The following CCDC172 variants were observed in gnomAD, a reference collection of about 807,000 sequenced individuals.
The protein encoded by CCDC172 is coiled-coil domain-containing protein 172.
CCDC172 carries 30 observed loss-of-function variants against 38.0 expected under a neutral mutation model. That is an observed-to-expected ratio of 0.79 (90% CI 0.59 to 1.07). The LOEUF is 1.07. CCDC172 is among the 50% of genes least tolerant of loss of function. The pLI is 0.00. For missense variants in CCDC172, 297 were observed against 290.1 expected, an observed-to-expected ratio of 1.02 and a Z score of -0.17; for synonymous variants, 78 against 88.3, an observed-to-expected ratio of 0.88 and a Z score of 0.66.
intron 3 of CCDC172, among the ~76,000 whole-genome samples, chr10:116,334,916 T>C (rs1844710421): frequency 6.6e-6 from 1 of 152,096 alleles, no homozygotes; most frequent in South Asian, 2.1e-4. Context: ...ATTTTTTAAC[T>C]TAGTATTTTT....
intron 5 of CCDC172, among the ~76,000 whole-genome samples, chr10:116,344,459 G>A (rs181658858): frequency 1.3e-5 from 2 of 152,238 alleles, no homozygotes; most frequent in East Asian, 3.9e-4. Flanking sequence ...AAAAGGTACA[G>A]CAAAAATACA....
In CCDC172 at chr10:116,378,537, T is replaced by C. The variant is rs748880793; in HGVS notation, c.741+27T>C. On this transcript the variant is annotated intron_variant, in intron 8 of 8. Transcript: ENST00000333254. ...TAAGTTATCATTGATTGTTTAACTT[T>C]TGTTCAGCATTATTTTACCTACTGG... The C allele has an allele frequency of 3.8e-5, 60 of 1,559,112 alleles. No individual in the cohort carries two copies. The South Asian group carries it at 6.0e-4, about 16-fold the overall frequency.
chr10:116,373,402 T>C (rs1281416873), intron 7 of CCDC172, among the ~76,000 whole-genome samples: 1 of 152,176 alleles, frequency 6.6e-6, no homozygotes, highest in Admixed American at 6.5e-5. Context: ...TTATAGCATA[T>C]GTAAAAACAA....
intron 7 of CCDC172, among the ~76,000 whole-genome samples, chr10:116,369,135 T>C (rs905918911): frequency 5.3e-5 from 8 of 152,078 alleles, no homozygotes; most frequent in African/African-American, 1.9e-4. Context: ...CTTATGATTA[T>C]AAATTTGAAA....
intron 3 of CCDC172, among the ~76,000 whole-genome samples, chr10:116,340,416 A>G (rs1207160804): frequency 2.6e-5 from 4 of 151,910 alleles, no homozygotes; most frequent in African/African-American, 7.2e-5. Flanking sequence ...GCAGATTTCA[A>G]TGTGTGTATT....
At chr10:116,374,412 A>G (rs1174866708) in intron 7 of CCDC172, among the ~76,000 whole-genome samples, 1 of 152,180 alleles carries the variant, frequency 6.6e-6, no homozygotes, top group Non-Finnish European at 1.5e-5. Flanking sequence ...GTATATTGTC[A>G]TAATTGTTCT....
In CCDC172 at chr10:116,325,084, C is replaced by A. The variant is rs1265543010; in HGVS notation, c.73C>A (p.Arg25=). Residue 25 remains arginine (R), a synonymous_variant, in exon 2 of 9, where the codon CGA becomes AGA. Transcript: ENST00000333254. ...GGCGGAGGAGAGTCGCCGTTTGATG[C>A]GAGAAGGTCGGGGTATTTCTGTCCT... ...HQAEESRRLM[R]EVRSEITRCR... The A allele has an allele frequency of 1.2e-6, 2 of 1,613,684 alleles. No individual in the cohort carries two copies. Among genetic ancestry groups the A allele is most frequent in the Non-Finnish European group, 1.7e-6 (2 of 1,179,896 alleles).
At chr10:116,336,247 ATAG>A (rs1234475440) in intron 3 of CCDC172, among the ~76,000 whole-genome samples, 1 of 148,408 alleles carries the variant, frequency 6.7e-6, no homozygotes, top group Non-Finnish European at 1.5e-5. Context: ...ATTATATATA[ATAG>A]TATGTAGTAT....
chr10:116,353,780 T>C lies in CCDC172; in HGVS notation c.449-3600T>C, dbSNP rs556318733. Among the ~76,000 whole-genome samples the C allele has an allele frequency of 3.3e-5, 5 of 152,272 alleles. No individual in the cohort carries two copies. In the South Asian group the frequency reaches 1.0e-3, roughly 32 times the overall value. ...GTATTTTTTTAAGCAACATGAAAAG[T>C]TGCTTACATTATTAGTTATCAGGGA... On this transcript the variant is annotated intron_variant, in intron 5 of 8. Coordinates refer to ENST00000333254, the MANE Select transcript of CCDC172 (RefSeq NM_198515.3).
chr10:116,361,343 AT>A (rs1038488603), intron 7 of CCDC172, among the ~76,000 whole-genome samples: 8 of 151,934 alleles, frequency 5.3e-5, no homozygotes, highest in Non-Finnish European at 1.0e-4. Context: ...CTTGATCATG[AT>A]TTTTTTTATT....
At chr10:116,373,366 C>T (rs1387768270) in intron 7 of CCDC172, among the ~76,000 whole-genome samples, 2 of 151,420 alleles carry the variant, frequency 1.3e-5, no homozygotes, top group African/African-American at 2.4e-5. Flanking sequence ...GTGACAAAAG[C>T]AAAAAAGTAG....
chr10:116,332,241 T>C (rs1326432435), intron 3 of CCDC172, among the ~76,000 whole-genome samples: 1 of 152,182 alleles, frequency 6.6e-6, no homozygotes, highest in Non-Finnish European at 1.5e-5. Context: ...CTTAGCTATG[T>C]AAATGATAAA....
intron 5 of CCDC172, among the ~76,000 whole-genome samples, chr10:116,348,025 A>G (rs1462318743): frequency 6.6e-6 from 1 of 152,194 alleles, no homozygotes; most frequent in Non-Finnish European, 1.5e-5. Context: ...TTGCATCAGT[A>G]TATGTGAGAT....
At chr10:116,375,297 TTTATTA>T (rs536243056) in intron 7 of CCDC172, among the ~76,000 whole-genome samples, 1 of 151,904 alleles carries the variant, frequency 6.6e-6, no homozygotes, top group African/African-American at 2.4e-5. Flanking sequence ...ATATTTTCTT[TTTATTA>T]TTATTATTAT....
In CCDC172 at chr10:116,379,337, A is replaced by G. The variant is rs1845284728; in HGVS notation, c.756A>G (p.Lys252=). 2 of 1,583,180 alleles carry G rather than the reference A, an allele frequency of 1.3e-6. No individual in the cohort carries two copies. Among genetic ancestry groups the G allele is most frequent in the African/African-American group, 1.4e-5 (1 of 74,064 alleles). The change falls in exon 9 of 9, where the codon AAA becomes AAG. Residue 252 remains lysine (K), a synonymous_variant. Transcript: ENST00000333254. ...TTTCTTTTCAGACATTGGCACAGAA[A>G]GATCTTCAGGAAAGCAAATAACTTA... ...IEFLELTLAQ[K]DLQESK is the part of the protein sequence containing the mutation.
intron 5 of CCDC172, among the ~76,000 whole-genome samples, chr10:116,342,783 G>A (rs1163214385): frequency 6.6e-6 from 1 of 152,120 alleles, no homozygotes; most frequent in Non-Finnish European, 1.5e-5. Context: ...GAGTTATCAT[G>A]AGATTTGGTT....
chr10:116,338,640 C>T (rs1844758364), intron 3 of CCDC172, among the ~76,000 whole-genome samples: 1 of 152,088 alleles, frequency 6.6e-6, no homozygotes, highest in Non-Finnish European at 1.5e-5. Flanking sequence ...TGTCACCTAG[C>T]TCTTCTTAAT....
chr10:116,341,796 C>T (rs1844798421), intron 4 of CCDC172, among the ~76,000 whole-genome samples: 1 of 151,404 alleles, frequency 6.6e-6, no homozygotes. Flanking sequence ...GAATATCTAC[C>T]TCAATAATTC....
chr10:116,339,995 A>G (rs1313084304), intron 3 of CCDC172, among the ~76,000 whole-genome samples: 2 of 151,976 alleles, frequency 1.3e-5, no homozygotes, highest in Non-Finnish European at 2.9e-5. Context: ...GAGGGCTAGT[A>G]CTGAACATAG....
Sources: allele counts gnomAD v4.1 joint callset (sites outside exome capture counted in the v4.1 genomes callset), GRCh38; gene constraint gnomAD v4.1.1; transcripts MANE v1.5; gene names NCBI Gene and HGNC (gene_info 2026-07-23, HGNC 2026-07-21).